PRRC2B: variants seen among roughly 807,000 people sequenced by gnomAD.
PRRC2B encodes the protein proline rich coiled-coil 2B.
A neutral mutation model predicts 242.3 loss-of-function variants in PRRC2B; 68 were observed. The ratio of observed to expected loss-of-function variants is 0.28; its 90% CI spans 0.23 to 0.34. The LOEUF (loss-of-function observed/expected upper bound fraction) is 0.34. PRRC2B is among the 10% of genes least tolerant of loss of function. PRRC2B has a pLI of 1.00. For missense variants in PRRC2B, 2,835 were observed against 2,954.8 expected (o/e 0.96, Z 0.94); for synonymous variants, 1,228 against 1,173.6 (o/e 1.05, Z -0.95).
In PRRC2B at chr9:131,467,673, G is replaced by A; in HGVS notation, c.1831G>A (p.Ala611Thr). The stretch of plus-strand genomic sequence containing the variant: ...CAGCAGTGAGGAAGAGGCCAGAGAG[G>A]CTGGGTCCCCTGCACAGGAGTTCAA... The part of the protein sequence containing the change: ...SNSSEEEARE[A>T]GSPAQEFKYQ... The change falls in exon 13 of 32, where the codon GCT becomes ACT. Residue 611 changes from alanine (A) to threonine (T), a missense_variant. Ala to Thr is a moderately conservative substitution (Grantham distance 58, BLOSUM62 0). Around this residue, in one of 7 missense-constraint regions of PRRC2B, gnomAD observed 1,536 missense variants for 1,483.1 expected, o/e 1.04. Transcript: ENST00000683519. 1 of 1,613,984 alleles carries A rather than the reference G, an allele frequency of 6.2e-7. No individual in the cohort carries two copies. The highest frequency in any genetic ancestry group is 8.5e-7 in the Non-Finnish European group (1 of 1,179,896).
chr9:131,475,462 C>A lies in PRRC2B; in HGVS notation c.3333C>A (p.Gly1111=). 3 of 1,586,618 alleles carry A rather than the reference C, an allele frequency of 1.9e-6. No homozygotes were observed. Among genetic ancestry groups the A allele is most frequent in the Non-Finnish European group, 2.6e-6 (3 of 1,166,160 alleles). The change falls in exon 16 of 32, where the codon GGC becomes GGA. Residue 1111 remains glycine (G), a synonymous_variant. Transcript: ENST00000683519. ...GTCAGCGCAGCGGCCGTGGCCGGGG[C>A]CTGCGAGAGTTTGCGCGGCCAGAGG... ...CSSQRSGRGR[G]LREFARPEDC... is the part of the protein sequence containing the mutation.
intron 3 of PRRC2B, among the ~76,000 whole-genome samples, 155 bp from the exon 4 acceptor site, chr9:131,436,465 C>G (rs1324952055): frequency 6.6e-6 from 1 of 152,202 alleles, no homozygotes; most frequent in African/African-American, 2.4e-5. Context: ...TTAGTTTTTG[C>G]CAGCATAAGA....
chr9:131,439,722 A>G (rs1046439072), intron 5 of PRRC2B, among the ~76,000 whole-genome samples: 2 of 152,116 alleles, frequency 1.3e-5, no homozygotes, highest in African/African-American at 2.4e-5. Flanking sequence ...CAATGTGCCA[A>G]TTGGATTTCA....
At position 131,430,182 on chromosome 9, in the gene PRRC2B, A is replaced by G; in HGVS notation, c.38A>G (p.Asp13Gly). 6.2e-7 allele frequency: 1 copy of G among 1,607,954 alleles called. No homozygotes were observed. Among genetic ancestry groups the G allele is most frequent in the Non-Finnish European group, 8.5e-7 (1 of 1,177,452 alleles). The change falls in exon 2 of 32, where the codon GAT becomes GGT. Residue 13 changes from aspartate (D) to glycine (G), a missense_variant. Transcript: ENST00000683519. ...DRLGQITKGK[D>G]GKSKYSTLSL... ...TTGGGGCAAATTACCAAGGGCAAGG[A>G]TGGGAAAAGCAAGTACTCGACTCTC...
intron 1 of PRRC2B, among the ~76,000 whole-genome samples, chr9:131,377,001 G>T (rs1018982593): frequency 6.6e-6 from 1 of 152,084 alleles, no homozygotes; most frequent in East Asian, 1.9e-4. Flanking sequence ...AGCAAGACCC[G>T]GTCCGTTGAA....
chr9:131,460,697 C>A (rs1259206119), intron 11 of PRRC2B, among the ~76,000 whole-genome samples: 1 of 152,210 alleles, frequency 6.6e-6, no homozygotes, highest in Non-Finnish European at 1.5e-5. Flanking sequence ...TCTACTCTCA[C>A]CTGGTTGGCC....
chr9:131,450,012 A>T lies in PRRC2B; in HGVS notation c.1120+2208A>T, dbSNP rs114119770. 2.8e-3 allele frequency among the ~76,000 whole-genome samples: 433 copies of T among 152,312 alleles called. 1 individual carries two copies. Among genetic ancestry groups the T allele is most frequent in the Middle Eastern group, 0.014 (4 of 294 alleles). Reference sequence around the variant, plus strand: ...GAATTGCTTTGGAACCTTTGCCAAAAGTCAATTGACTATAAAAGCATTGGT... The same window carrying T: ...GAATTGCTTTGGAACCTTTGCCAAATGTCAATTGACTATAAAAGCATTGGT... On this transcript the variant is annotated intron_variant, in intron 9 of 31. Coordinates refer to ENST00000683519, the MANE Select transcript of PRRC2B (RefSeq NM_013318.4).
intron 15 of PRRC2B, among the ~76,000 whole-genome samples, chr9:131,474,093 G>A (rs1194674686): frequency 2.0e-5 from 3 of 152,022 alleles, no homozygotes; most frequent in African/African-American, 4.8e-5. Context: ...GACTCTTCAC[G>A]GCCTCCCAGG....
rs199807582 is a variant in PRRC2B at position 131,447,116 on chromosome 9, G to A, written c.887G>A (p.Gly296Asp). ...MCSPKSSENQ[G>D]TVERGSFPLP... is the part of the protein sequence containing the mutation. ...TCGCCGAAGTCATCAGAAAACCAGG[G>A]TACAGTGGAACGAGGCTCTTTTCCC... The change falls in exon 8 of 32, where the codon GGT becomes GAT. Residue 296 changes from glycine (G) to aspartate (D), a missense_variant. Physicochemically the swap from Gly to Asp is moderately conservative, Grantham distance 94 (BLOSUM62 -1). Around this residue, in one of 7 missense-constraint regions of PRRC2B, gnomAD observed 626 missense variants for 685.5 expected, o/e 0.91. Coordinates refer to ENST00000683519, the MANE Select transcript of PRRC2B (RefSeq NM_013318.4). 1.5e-4 allele frequency: 237 copies of A among 1,613,890 alleles called. 1 individual carries two copies. Among genetic ancestry groups the A allele is most frequent in the Non-Finnish European group, 2.0e-4 (233 of 1,179,900 alleles).
In PRRC2B at chr9:131,432,688, CTGCCAAGCT is replaced by C; in HGVS notation, c.190_198del (p.Pro64_Leu66del). On this transcript the variant is annotated inframe_deletion, in exon 3 of 32. Transcript: ENST00000683519. ...CCGGCGCATGCCACCGCCTGCAAAC[CTGCCAAGCT>C]TGAAGTCTGAAAACAAAGGAAACGA... 1 of 1,614,056 alleles carries C rather than the reference CTGCCAAGCT, an allele frequency of 6.2e-7. No individual in the cohort carries two copies. The highest frequency in any genetic ancestry group is 8.5e-7 in the Non-Finnish European group (1 of 1,179,914).
intron 1 of PRRC2B, among the ~76,000 whole-genome samples, chr9:131,400,126 C>T (rs1463802291): frequency 6.6e-6 from 1 of 152,076 alleles, no homozygotes; most frequent in Non-Finnish European, 1.5e-5. Context: ...CTTTGTCGCC[C>T]AGTCTGGAGT....
intron 1 of PRRC2B, among the ~76,000 whole-genome samples, chr9:131,422,460 A>G (rs1008567684): frequency 2.6e-5 from 4 of 152,232 alleles, no homozygotes; most frequent in South Asian, 2.1e-4. Flanking sequence ...AGTAGAGCAC[A>G]TGAGGGCTTA....
At chr9:131,448,558 A>AAAACAAAAAAAAAAAAAAAC in intron 9 of PRRC2B, among the ~76,000 whole-genome samples, 1 of 144,354 alleles carries the variant, frequency 6.9e-6, no homozygotes, top group African/African-American at 2.5e-5. Context: ...AAAAAAAAAA[A>AAAACAAAAAAAAAAAAAAAC]AAAAAAAAAA....
intron 1 of PRRC2B, among the ~76,000 whole-genome samples, chr9:131,395,180 G>C (rs959807919): frequency 2.0e-5 from 3 of 152,150 alleles, no homozygotes; most frequent in South Asian, 2.1e-4. Context: ...GTGGGAGAAG[G>C]GGGGCTGGGG....
In PRRC2B at chr9:131,476,501, A is replaced by C; in HGVS notation, c.4372A>C (p.Ser1458Arg). 1.2e-6 allele frequency: 2 copies of C among 1,607,356 alleles called. No individual in the cohort carries two copies. Among genetic ancestry groups the C allele is most frequent in the South Asian group, 2.2e-5 (2 of 90,658 alleles). Reference sequence around the variant, plus strand: ...TGGTGACACCTCCCCTCGCTATGAGAGCCAACAGAATGGGACGCCTTTGAA... The same window carrying C: ...TGGTGACACCTCCCCTCGCTATGAGCGCCAACAGAATGGGACGCCTTTGAA... ...GGGDTSPRYE[S>R]QQNGTPLKVK... Residue 1458 changes from serine (S) to arginine (R), a missense_variant, in exon 16 of 32, where the codon AGC (serine) becomes CGC (arginine). This residue lies in a region of PRRC2B where 1,536 missense variants were observed against 1,483.1 expected (regional missense o/e 1.04). Transcript: ENST00000683519.
At chr9:131,438,043 T>G (rs146077814) in intron 4 of PRRC2B, among the ~76,000 whole-genome samples, 327 of 152,306 alleles carry the variant, frequency 2.1e-3, no homozygotes, top group African/African-American at 7.6e-3. Context: ...TGCTCAGTGC[T>G]TCTTTGCTGC....
At chr9:131,414,610 G>A (rs1837595452) in intron 1 of PRRC2B, among the ~76,000 whole-genome samples, 1 of 146,126 alleles carries the variant, frequency 6.8e-6, no homozygotes, top group African/African-American at 2.5e-5. Flanking sequence ...CTGCTGTGTC[G>A]CCCAGACTGG....
chr9:131,447,085 A>T lies in PRRC2B; in HGVS notation c.856A>T (p.Met286Leu), dbSNP rs776230384. 14 of 1,613,868 alleles carry T rather than the reference A, an allele frequency of 8.7e-6. No homozygotes were observed. The highest frequency in any genetic ancestry group is 1.2e-5 in the Non-Finnish European group (14 of 1,179,900). Residue 286 changes from methionine to leucine, a missense_variant and splice_region_variant, in exon 8 of 32, where the codon ATG (methionine) becomes TTG (leucine). Met to Leu is a conservative substitution (Grantham distance 15). Coordinates refer to ENST00000683519, the MANE Select transcript of PRRC2B (RefSeq NM_013318.4). ...PTYHDMLPAF[M>L]CSPKSSENQG... ...CCTGTTCATTGATGTTATGTTTCAG[A>T]TGTGTTCGCCGAAGTCATCAGAAAA...
At position 131,487,745 on chromosome 9, in the gene PRRC2B, G is replaced by A. The variant is rs1944067473; in HGVS notation, c.5985-111G>A. ...ACCCTCTGAGTCGCGCTCTGGGGGT[G>A]GGGCCGGGGATCTGTGGTTTAGCAA... On this transcript the variant is annotated intron_variant, in intron 27 of 31. Coordinates refer to ENST00000683519, the MANE Select transcript of PRRC2B (RefSeq NM_013318.4). The surrounding 1 kb of genome is among the most constrained non-coding windows in gnomAD (Gnocchi z 5.3). The A allele has an allele frequency of 2.1e-6, 3 of 1,420,842 alleles. No individual in the cohort carries two copies. The highest frequency in any genetic ancestry group is 2.4e-5 in the East Asian group (1 of 42,000). 88.0% of individuals were successfully genotyped at this position (1,420,842 alleles called of 1,614,324 possible).
Sources: gnomAD v4.1 joint callset for allele counts (sites outside exome capture counted in the v4.1 genomes callset) on GRCh38, gnomAD v4.1.1 for gene constraint, gnomAD v4.1.1 regional missense constraint, Gnocchi (gnomAD v3.1) non-coding constraint, MANE v1.5 for transcripts, NCBI Gene and HGNC (gene_info 2026-07-23, HGNC 2026-07-21) for gene names.